The following TAOK3 variants were observed in gnomAD, a reference collection of about 807,000 sequenced individuals.
The protein encoded by TAOK3 is serine/threonine-protein kinase TAO3.
Under a neutral mutation model 120.4 loss-of-function variants are expected in TAOK3, and 40 were observed. The ratio of observed to expected loss-of-function variants is 0.33; its 90% CI spans 0.26 to 0.43. The LOEUF (loss-of-function observed/expected upper bound fraction) is 0.43, where lower values mean the gene tolerates loss of function less well. Among genes scored for constraint, TAOK3 ranks in the 20% least tolerant of loss-of-function variants. The pLI, the probability that TAOK3 is intolerant of heterozygous loss-of-function variation, is 1.00. For synonymous variants in TAOK3, 355 were observed against 387.5 expected (o/e 0.92, Z 0.99); for missense variants, 821 against 1,112.1 (o/e 0.74, Z 3.72).
intron 1 of TAOK3, among the ~76,000 whole-genome samples, chr12:118,325,683 T>A (rs1482275265): frequency 6.6e-6 from 1 of 152,102 alleles, no homozygotes; most frequent in Non-Finnish European, 1.5e-5. Flanking sequence ...CTTTATTTAT[T>A]TATTTATTTT....
chr12:118,159,965 T>TC, intron 19 of TAOK3, 181 bp downstream of exon 19: 1 of 619,256 alleles, frequency 1.6e-6, no homozygotes, highest in Non-Finnish European at 2.9e-6. Flanking sequence ...TATAAGACAC[T>TC]CCAGCAAGTA....
chr12:118,186,369 T>G (rs2139000657), intron 14 of TAOK3, among the ~76,000 whole-genome samples: 1 of 152,338 alleles, frequency 6.6e-6, no homozygotes, highest in South Asian at 2.1e-4. Context: ...ATAGATACAC[T>G]GCTCTTTATA....
At chr12:118,314,650 C>T (rs1349851054) in intron 1 of TAOK3, among the ~76,000 whole-genome samples, 4 of 152,130 alleles carry the variant, frequency 2.6e-5, no homozygotes. Context: ...TTCAATCTGA[C>T]CTTAATTTGG....
chr12:118,362,317 T>TAA (rs10652375), intron 1 of TAOK3, among the ~76,000 whole-genome samples: 10,376 of 105,328 alleles, frequency 0.099, 767 homozygotes, highest in East Asian at 0.3. Flanking sequence ...GCTGATGGGC[T>TAA]AAAAAAAAAA....
intron 4 of TAOK3, among the ~76,000 whole-genome samples, 199 bp downstream of exon 4, chr12:118,244,695 A>G (rs2040411751): frequency 6.6e-6 from 1 of 151,402 alleles, no homozygotes; most frequent in Admixed American, 6.6e-5. Flanking sequence ...CGCCCGGCTA[A>G]TTTTTTGTAT....
chr12:118,166,827 TACACACACACACACACACATACAC>T (rs2035620037), intron 17 of TAOK3, among the ~76,000 whole-genome samples: 1 of 146,622 alleles, frequency 6.8e-6, no homozygotes, highest in Non-Finnish European at 1.5e-5. Flanking sequence ...TATATATATA[TACACACACACACACACACATACAC>T]ACACACACAC....
chr12:118,356,146 G>T (rs922986247), intron 1 of TAOK3, among the ~76,000 whole-genome samples: 1 of 152,084 alleles, frequency 6.6e-6, no homozygotes, highest in Non-Finnish European at 1.5e-5. Flanking sequence ...TCCTTGAACT[G>T]AAAACATGGC....
intron 6 of TAOK3, 65 bp downstream of exon 6, chr12:118,239,162 A>G: frequency 1.9e-6 from 2 of 1,036,894 alleles, no homozygotes; most frequent in South Asian, 1.3e-5. Flanking sequence ...ACACTTTAGT[A>G]TGGCGGTAGA....
At chr12:118,241,303 T>TAG (rs2040239991) in intron 5 of TAOK3, among the ~76,000 whole-genome samples, 1 of 152,024 alleles carries the variant, frequency 6.6e-6, no homozygotes, top group African/African-American at 2.4e-5. Context: ...TGAGTAAATG[T>TAG]TATAATGAAC....
chr12:118,322,312 CAAA>C (rs372010412), intron 1 of TAOK3, among the ~76,000 whole-genome samples: 5 of 65,870 alleles, frequency 7.6e-5, no homozygotes, highest in African/African-American at 5.9e-5. Context: ...GAGACTGTCT[CAAA>C]AAAAAAAAAA....
chr12:118,198,870 A>G, intron 13 of TAOK3, 181 bp downstream of exon 13: 1 of 610,748 alleles, frequency 1.6e-6, no homozygotes, highest in Non-Finnish European at 2.9e-6. Context: ...AGAAATAGGC[A>G]CAGATGTAGC....
At position 118,150,988 on chromosome 12, in the gene TAOK3, A is replaced by C. The variant is rs748522379; in HGVS notation, c.*9T>G. ...TTTTTTTTTTTTGTAAATGGCAAAA[A>C]ATTTAATCTCATCTGTAGTCCTCCT... On this transcript the variant is annotated 3_prime_UTR_variant, in exon 21 of 21. Coordinates refer to ENST00000392533, the MANE Select transcript of TAOK3 (RefSeq NM_016281.4). 219 of 1,535,222 alleles carry C rather than the reference A, an allele frequency of 1.4e-4. No individual in the cohort carries two copies. The highest frequency in any genetic ancestry group is 1.9e-4 in the Non-Finnish European group (215 of 1,147,784).
intron 9 of TAOK3, among the ~76,000 whole-genome samples, chr12:118,218,902 G>A (rs982157098): frequency 1.3e-5 from 2 of 151,530 alleles, no homozygotes; most frequent in South Asian, 2.1e-4. Flanking sequence ...GCAGTGAGCC[G>A]AGATCACACC....
chr12:118,198,780 G>A, intron 13 of TAOK3: 1 of 452,966 alleles, frequency 2.2e-6, no homozygotes, highest in East Asian at 4.7e-5. Context: ...TAAGATTATT[G>A]GTTTAGAGAA....
At chr12:118,200,078 T>TA (rs1422093592) in intron 12 of TAOK3, 1 of 151,706 alleles carries the variant, frequency 6.6e-6, no homozygotes, top group Non-Finnish European at 1.5e-5. Context: ...CATGGCAATA[T>TA]AAAAAATTAC....
chr12:118,150,849 C>CA lies in TAOK3; in HGVS notation c.*147dup. 2.3e-6 allele frequency: 2 copies of CA among 881,676 alleles called. No individual in the cohort carries two copies. Among genetic ancestry groups the CA allele is most frequent in the South Asian group, 3.8e-5 (2 of 52,786 alleles). The allele number at this position is 881,676 out of a possible 1,614,324, so 54.6% of individuals were successfully genotyped here. On this transcript the variant is annotated 3_prime_UTR_variant, in exon 21 of 21. Coordinates refer to ENST00000392533, the MANE Select transcript of TAOK3 (RefSeq NM_016281.4). The stretch of plus-strand genomic sequence containing the variant: ...CCCTGATGGAGTAAGAATAAACAGG[C>CA]ACTAGTCCGACACGATGTCAGTAAG...
chr12:118,181,292 G>T, intron 15 of TAOK3, 79 bp downstream of exon 15: 1 of 1,251,572 alleles, frequency 8.0e-7, no homozygotes, highest in Non-Finnish European at 1.1e-6. Flanking sequence ...CCCCACTCCT[G>T]CCTCTTGCTA....
intron 11 of TAOK3, among the ~76,000 whole-genome samples, chr12:118,204,429 G>A (rs918492609): frequency 6.6e-6 from 1 of 152,068 alleles, no homozygotes; most frequent in Non-Finnish European, 1.5e-5. Context: ...AAAAATAATA[G>A]GGCCCTTGTG....
chr12:118,256,299 C>T (rs929663201), intron 2 of TAOK3, among the ~76,000 whole-genome samples: 1 of 152,030 alleles, frequency 6.6e-6, no homozygotes, highest in Non-Finnish European at 1.5e-5. Context: ...AATTAGAACC[C>T]TCCAACACTG....
Sources: gnomAD v4.1 joint callset for allele counts (sites outside exome capture counted in the v4.1 genomes callset) on GRCh38, gnomAD v4.1.1 for gene constraint, MANE v1.5 for transcripts, NCBI Gene and HGNC (gene_info 2026-07-23, HGNC 2026-07-21) for gene names.